LSAMP: variants seen among roughly 807,000 people sequenced by gnomAD.
The protein encoded by LSAMP is limbic system-associated membrane protein.
LSAMP carries 7 observed loss-of-function variants against 38.6 expected under a neutral mutation model. The ratio of observed to expected loss-of-function variants is 0.18; its 90% CI spans 0.10 to 0.34. The LOEUF (loss-of-function observed/expected upper bound fraction) is 0.34, where lower values mean the gene tolerates loss of function less well. Among genes scored for constraint, LSAMP ranks in the 10% least tolerant of loss-of-function variants. The pLI is 1.00. For missense variants in LSAMP, 313 were observed against 420.0 expected, an observed-to-expected ratio of 0.75 and a Z score of 2.23; for synonymous variants, 154 against 166.8, an observed-to-expected ratio of 0.92 and a Z score of 0.59.
At chr3:115,818,721 A>T (rs1934111634) in intron 6 of LSAMP, among the ~76,000 whole-genome samples, 1 of 143,252 alleles carries the variant, frequency 7.0e-6, no homozygotes, top group Non-Finnish European at 1.5e-5. Flanking sequence ...TGGCATTGCA[A>T]GTCCAAAGAA....
chr3:115,876,278 C>CTTT (rs58536199), intron 3 of LSAMP, among the ~76,000 whole-genome samples: 1 of 123,244 alleles, frequency 8.1e-6, no homozygotes, highest in Non-Finnish European at 1.8e-5. Flanking sequence ...AAGGAAAAAG[C>CTTT]TTTTTTTTTT....
intron 1 of LSAMP, among the ~76,000 whole-genome samples, chr3:116,427,078 A>G (rs1327834324): frequency 6.8e-6 from 1 of 146,890 alleles, no homozygotes; most frequent in African/African-American, 2.5e-5. Flanking sequence ...TTCAAGTGTC[A>G]TTGCAACCCT....
chr3:116,036,633 G>T (rs972745031), intron 2 of LSAMP, among the ~76,000 whole-genome samples: 3 of 152,050 alleles, frequency 2.0e-5, no homozygotes, highest in African/African-American at 7.2e-5. Context: ...CTGGAAATTT[G>T]GCAATCTCAA....
At chr3:116,103,424 C>T (rs1265759040) in intron 1 of LSAMP, among the ~76,000 whole-genome samples, 1 of 138,514 alleles carries the variant, frequency 7.2e-6, no homozygotes, top group Non-Finnish European at 1.5e-5. Flanking sequence ...GAGATTATGC[C>T]ACTGCACTCC....
rs1934997311 is a variant in LSAMP, at chr3:115,841,594, C to CA, written c.919+250dup. ...TTTCATTTAACTAACCAGGAAAAAA[C>CA]AAAAAACAAAAACGAAGAAAAACAA... On this transcript the variant is annotated intron_variant, in intron 6 of 6. Transcript: ENST00000490035. 8.5e-6 allele frequency: 3 copies of CA among 354,872 alleles called. No individual in the cohort carries two copies. The East Asian group carries it at 1.4e-4, about 17-fold the overall frequency. 22.0% of individuals were successfully genotyped at this position (354,872 alleles called of 1,614,324 possible).
chr3:116,239,394 CAT>C (rs1014912472), intron 1 of LSAMP, among the ~76,000 whole-genome samples: 4 of 144,010 alleles, frequency 2.8e-5, no homozygotes, highest in African/African-American at 1.1e-4. Context: ...CTATCCAGAA[CAT>C]ATGTTTAAAA....
chr3:116,205,822 T>C (rs1284652759), intron 1 of LSAMP, among the ~76,000 whole-genome samples: 1 of 108,784 alleles, frequency 9.2e-6, no homozygotes, highest in Non-Finnish European at 1.9e-5. Context: ...TTATTGAGGA[T>C]TTTTGCATCA....
At chr3:116,234,234 T>A (rs1337954048) in intron 1 of LSAMP, among the ~76,000 whole-genome samples, 5 of 152,176 alleles carry the variant, frequency 3.3e-5, no homozygotes, top group Non-Finnish European at 5.9e-5. Context: ...ATCCCATGGA[T>A]TGGAGAACAC....
chr3:116,370,698 G>A (rs1039505585), intron 1 of LSAMP, among the ~76,000 whole-genome samples: 5 of 152,156 alleles, frequency 3.3e-5, no homozygotes, highest in Non-Finnish European at 5.9e-5. Flanking sequence ...TGCAGACAAA[G>A]AGGTGCCATC....
chr3:116,279,843 T>C (rs763399818), intron 1 of LSAMP, among the ~76,000 whole-genome samples: 1 of 152,216 alleles, frequency 6.6e-6, no homozygotes, highest in Admixed American at 6.5e-5. Flanking sequence ...GATTTTCATA[T>C]GTCATATGAT....
chr3:116,118,155 C>T (rs916052395), intron 1 of LSAMP, among the ~76,000 whole-genome samples: 1 of 152,084 alleles, frequency 6.6e-6, no homozygotes, highest in East Asian at 1.9e-4. Context: ...GTACAGAGAC[C>T]TTGTTTTCCC....
At chr3:116,227,110 C>A (rs181067934) in intron 1 of LSAMP, among the ~76,000 whole-genome samples, 39 of 152,212 alleles carry the variant, frequency 2.6e-4, no homozygotes, top group African/African-American at 9.2e-4. Flanking sequence ...TATATTATCA[C>A]ATAGTCACTT....
intron 1 of LSAMP, among the ~76,000 whole-genome samples, chr3:116,372,281 T>A (rs1006095863): frequency 6.6e-6 from 1 of 152,032 alleles, no homozygotes; most frequent in African/African-American, 2.4e-5. Context: ...TATGATTAAA[T>A]AATTTTCGAC....
At chr3:116,281,850 T>A (rs1342271831) in intron 1 of LSAMP, among the ~76,000 whole-genome samples, 2 of 152,206 alleles carry the variant, frequency 1.3e-5, no homozygotes, top group South Asian at 2.1e-4. Flanking sequence ...CATATTTTAG[T>A]ACTAACCAAC....
intron 1 of LSAMP, among the ~76,000 whole-genome samples, chr3:116,424,284 C>T (rs1262156804): frequency 1.3e-5 from 2 of 152,164 alleles, no homozygotes; most frequent in Admixed American, 6.5e-5. Context: ...AGTGCCTGTA[C>T]ATTGTTGGTG....
chr3:115,933,664 T>C (rs1268271019), intron 3 of LSAMP, among the ~76,000 whole-genome samples: 2 of 151,958 alleles, frequency 1.3e-5, no homozygotes, highest in Non-Finnish European at 2.9e-5. Context: ...CCTGGAAGAG[T>C]GTGCAGAGAA....
At chr3:115,816,590 G>C (rs1393745799) in intron 6 of LSAMP, 1 of 1,274,036 alleles carries the variant, frequency 7.8e-7, no homozygotes, top group Admixed American at 2.3e-5. Context: ...ACATATGGAA[G>C]GTAACCAAAA....
chr3:115,930,032 A>G (rs1461230528), intron 3 of LSAMP, among the ~76,000 whole-genome samples: 1 of 12,152 alleles, frequency 8.2e-5, no homozygotes, highest in Non-Finnish European at 3.9e-4. Flanking sequence ...TTTTTGACAC[A>G]GCAGATAGGT....
chr3:116,205,198 CTGTT>C (rs1302519910), intron 1 of LSAMP, among the ~76,000 whole-genome samples: 2 of 148,918 alleles, frequency 1.3e-5, no homozygotes, highest in African/African-American at 5.0e-5. Context: ...ATTTGGCTCT[CTGTT>C]TGTCTGTTGT....
Sources: allele counts gnomAD v4.1 joint callset (sites outside exome capture counted in the v4.1 genomes callset), GRCh38; gene constraint gnomAD v4.1.1; transcripts MANE v1.5; gene names NCBI Gene and HGNC (gene_info 2026-07-23, HGNC 2026-07-21).